The following MAN1A2 variants were observed in gnomAD, a reference collection of about 807,000 sequenced individuals.
MAN1A2 encodes mannosidase alpha class 1A member 2.
MAN1A2 carries 26 observed loss-of-function variants against 75.7 expected under a neutral mutation model. That is an observed-to-expected ratio of 0.34 (90% CI 0.25 to 0.48). The LOEUF (loss-of-function observed/expected upper bound fraction) is 0.48. Among genes scored for constraint, MAN1A2 ranks in the 20% least tolerant of loss-of-function variants. The pLI is 0.99. For missense variants in MAN1A2, 562 were observed against 775.5 expected, an observed-to-expected ratio of 0.72 and a Z score of 3.27; for synonymous variants, 247 against 264.6, an observed-to-expected ratio of 0.93 and a Z score of 0.65.
At chr1:117,487,624 G>A (rs185712870) in intron 8 of MAN1A2, among the ~76,000 whole-genome samples, 5 of 151,968 alleles carry the variant, frequency 3.3e-5, no homozygotes, top group Non-Finnish European at 5.9e-5. Flanking sequence ...TAACATAACC[G>A]CAAAATAGAT....
In MAN1A2 at chr1:117,397,107, G is replaced by T. The variant is rs149844351; in HGVS notation, c.303-5079G>T. On this transcript the variant is annotated intron_variant, in intron 1 of 12. Transcript: ENST00000356554. Reference sequence around the variant, plus strand: ...GTCTGACTGAATTTCCTGGAACTCTGGAGTTTCTCTTAGGACCAGTCTGGT... The same window carrying T: ...GTCTGACTGAATTTCCTGGAACTCTTGAGTTTCTCTTAGGACCAGTCTGGT... 1.3e-3 allele frequency among the ~76,000 whole-genome samples: 205 copies of T among 152,126 alleles called. 1 individual carries two copies. The highest frequency in any genetic ancestry group is 4.7e-3 in the African/African-American group (197 of 41,496).
At position 117,503,107 on chromosome 1, in the gene MAN1A2, A is replaced by G; in HGVS notation, c.1793+137A>G. The G allele has an allele frequency of 5.8e-6, 3 of 518,878 alleles. No homozygotes were observed. The South Asian group carries it at 8.6e-5, about 15-fold the overall frequency. 32.1% of individuals were successfully genotyped at this position (518,878 alleles called of 1,614,324 possible). A position where few individuals can be genotyped will look rare whatever the true frequency, so the allele number is the denominator to read the frequency against. ...TCTTTTTATGTAATTGGGTGTGTAA[A>G]TTTTTAGCTACATCTCAAAAAGAAT... On this transcript the variant is annotated intron_variant, in intron 12 of 12. Coordinates refer to ENST00000356554, the MANE Select transcript of MAN1A2 (RefSeq NM_006699.5).
chr1:117,479,332 T>C (rs1406414156), intron 8 of MAN1A2, among the ~76,000 whole-genome samples: 1 of 152,010 alleles, frequency 6.6e-6, no homozygotes, highest in Non-Finnish European at 1.5e-5. Flanking sequence ...ACATTTTCTT[T>C]ATGCAGTGTA....
In MAN1A2 at chr1:117,523,409, C is replaced by T. The variant is rs1227983826; in HGVS notation, c.*452C>T. ...ATTTACATATTGCTTATCACTTTTT[C>T]TCCATTTTAATAATGGAATGAACTA... On this transcript the variant is annotated 3_prime_UTR_variant, in exon 13 of 13. Coordinates refer to ENST00000356554, the MANE Select transcript of MAN1A2 (RefSeq NM_006699.5). The T allele has an allele frequency of 2.9e-6, 1 of 341,316 alleles. No individual in the cohort carries two copies. The highest frequency in any genetic ancestry group is 2.2e-5 in the African/African-American group (1 of 45,920). The allele number at this position is 341,316 out of a possible 1,614,324, so 21.1% of individuals were successfully genotyped here. A position where few individuals can be genotyped will look rare whatever the true frequency, so the allele number is the denominator to read the frequency against.
intron 3 of MAN1A2, among the ~76,000 whole-genome samples, chr1:117,413,798 A>G (rs1052095944): frequency 6.6e-6 from 1 of 151,998 alleles, no homozygotes; most frequent in African/African-American, 2.4e-5. Flanking sequence ...GACACAAATA[A>G]TAATTGCATT....
Position 117,419,595 on chromosome 1 carries a change from C to G in MAN1A2, c.775-974C>G, listed in dbSNP as rs570031791. 3.3e-5 allele frequency among the ~76,000 whole-genome samples: 5 copies of G among 151,984 alleles called. No individual in the cohort carries two copies. In the South Asian group the frequency reaches 1.0e-3, roughly 32 times the overall value. ...GAAAGACTTTAGAGTAATACAGTTT[C>G]CTTTTAATTTTTATTAAAATTAACT... On this transcript the variant is annotated intron_variant, in intron 4 of 12. Transcript: ENST00000356554.
At chr1:117,456,941 C>T (rs979384975) in intron 6 of MAN1A2, among the ~76,000 whole-genome samples, 7 of 152,032 alleles carry the variant, frequency 4.6e-5, no homozygotes, top group African/African-American at 1.7e-4. Flanking sequence ...CTTAAGCTTA[C>T]ACATTGAGTG....
intron 3 of MAN1A2, among the ~76,000 whole-genome samples, chr1:117,414,335 C>T (rs754086432): frequency 1.3e-5 from 2 of 151,378 alleles, no homozygotes; most frequent in African/African-American, 2.4e-5. Flanking sequence ...GAAGTACTCT[C>T]CTCTTTTCTT....
rs1015763330 is a variant in MAN1A2, at chr1:117,446,823, A to AT, written c.950+4507dup. Among the ~76,000 whole-genome samples the AT allele has an allele frequency of 1.9e-4, 29 of 151,434 alleles. No individual in the cohort carries two copies. In the East Asian group the frequency reaches 2.5e-3, roughly 13 times the overall value. On this transcript the variant is annotated intron_variant, in intron 6 of 12. Transcript: ENST00000356554. ...GTTTAGATCATGTATATCTTTCCAG[A>AT]TTTTTTTTTGGTATAATTGTTTTAT...
chr1:117,389,739 C>T (rs1227758368), intron 1 of MAN1A2, among the ~76,000 whole-genome samples: 1 of 150,716 alleles, frequency 6.6e-6, no homozygotes, highest in Non-Finnish European at 1.5e-5. Flanking sequence ...TGTCTGATTG[C>T]ACTGCTAGAA....
At chr1:117,447,195 A>C (rs1037263255) in intron 6 of MAN1A2, among the ~76,000 whole-genome samples, 2 of 152,126 alleles carry the variant, frequency 1.3e-5, no homozygotes, top group South Asian at 2.1e-4. Context: ...ATCATAATAC[A>C]AATTTTGTTA....
intron 6 of MAN1A2, among the ~76,000 whole-genome samples, chr1:117,442,607 T>C (rs1649071559): frequency 1.3e-5 from 2 of 152,210 alleles, no homozygotes; most frequent in Admixed American, 1.3e-4. Flanking sequence ...CTGTATGGTA[T>C]ACAATATTTG....
At chr1:117,516,016 T>G (rs1363839915) in intron 12 of MAN1A2, 1 of 152,092 alleles carries the variant, frequency 6.6e-6, no homozygotes, top group Non-Finnish European at 1.5e-5. Flanking sequence ...ATACTTTAAC[T>G]CCAACCTCCT....
chr1:117,417,077 T>C (rs1648016797), intron 4 of MAN1A2, among the ~76,000 whole-genome samples: 1 of 152,168 alleles, frequency 6.6e-6, no homozygotes, highest in Admixed American at 6.5e-5. Flanking sequence ...CTCCTAATGT[T>C]AGTGCCTAAA....
At chr1:117,456,583 A>G (rs1009903736) in intron 6 of MAN1A2, among the ~76,000 whole-genome samples, 1 of 151,988 alleles carries the variant, frequency 6.6e-6, no homozygotes, top group Non-Finnish European at 1.5e-5. Context: ...TGACTCTTGT[A>G]TGCTTTTATT....
At position 117,372,705 on chromosome 1, in the gene MAN1A2, A is replaced by G. The variant is rs115206975; in HGVS notation, c.302+4220A>G. Among the ~76,000 whole-genome samples, 621 of 152,258 alleles carry G rather than the reference A, an allele frequency of 4.1e-3. 4 individuals are homozygous for G. Among genetic ancestry groups the G allele is most frequent in the African/African-American group, 0.014 (594 of 41,534 alleles). On this transcript the variant is annotated intron_variant, in intron 1 of 12. Transcript: ENST00000356554. ...TATACGCTAATATACATAAAGTAAT[A>G]TACGTAAGTATACTTTGTGTACATA...
At chr1:117,398,923 GGGTTGGAGAGT>G (rs1647317763) in intron 1 of MAN1A2, among the ~76,000 whole-genome samples, 1 of 152,178 alleles carries the variant, frequency 6.6e-6, no homozygotes, top group Non-Finnish European at 1.5e-5. Context: ...GCTTGTGGGT[GGGTTGGAGAGT>G]GGTTGGAGAG....
intron 6 of MAN1A2, among the ~76,000 whole-genome samples, chr1:117,450,918 C>T (rs190306597): frequency 1.3e-5 from 2 of 152,246 alleles, no homozygotes; most frequent in Admixed American, 1.3e-4. Flanking sequence ...AGGGGAGGGC[C>T]GAAGGGAAAT....
At chr1:117,496,443 C>G (rs1651038410) in intron 9 of MAN1A2, among the ~76,000 whole-genome samples, 1 of 151,938 alleles carries the variant, frequency 6.6e-6, no homozygotes, top group Non-Finnish European at 1.5e-5. Context: ...CTTCTCTTAT[C>G]CATGACAAAG....
Sources: gnomAD v4.1 joint callset for allele counts (sites outside exome capture counted in the v4.1 genomes callset) on GRCh38, gnomAD v4.1.1 for gene constraint, MANE v1.5 for transcripts, NCBI Gene and HGNC (gene_info 2026-07-23, HGNC 2026-07-21) for gene names.